FARP2: variants seen among roughly 807,000 people sequenced by gnomAD.
The protein encoded by FARP2 is FERM, ARH/RhoGEF and pleckstrin domain protein 2, also known as FERM, ARHGEF and pleckstrin domain-containing protein 2.
Under a neutral mutation model 130.5 loss-of-function variants are expected in FARP2, and 111 were observed. The ratio of observed to expected loss-of-function variants is 0.85; its 90% CI spans 0.73 to 1.00. FARP2 has a LOEUF of 1.00. Ranked by LOEUF, FARP2 falls within the 50% of genes least tolerant of loss-of-function variation. The pLI, the probability that FARP2 is intolerant of heterozygous loss-of-function variation, is 0.00. For synonymous variants in FARP2, 504 were observed against 516.9 expected (o/e 0.98, Z 0.34); for missense variants, 1,385 against 1,346.3 (o/e 1.03, Z -0.45).
intron 21 of FARP2, chr2:241,489,592 A>C (rs553655169): frequency 2.5e-5 from 4 of 162,030 alleles, no homozygotes; most frequent in Non-Finnish European, 5.4e-5. Flanking sequence ...ATTAATCCAC[A>C]GTGGGTTTTC....
intron 6 of FARP2, among the ~76,000 whole-genome samples, chr2:241,412,309 C>T (rs1242002164): frequency 6.6e-6 from 1 of 152,142 alleles, no homozygotes; most frequent in African/African-American, 2.4e-5. Flanking sequence ...CACTGGGTCC[C>T]TCCCACAGTA....
chr2:241,463,800 C>T, intron 16 of FARP2, 99 bp from the exon 17 acceptor site: 1 of 1,064,692 alleles, frequency 9.4e-7, no homozygotes, highest in Non-Finnish European at 1.4e-6. Context: ...CACCACCTTC[C>T]TCCAGCTGGA....
chr2:241,473,618 T>C (rs866599809), intron 18 of FARP2, among the ~76,000 whole-genome samples: 1 of 152,182 alleles, frequency 6.6e-6, no homozygotes, highest in Admixed American at 6.5e-5. Context: ...CTGTGTGGAC[T>C]CAGCATTTGA....
At chr2:241,404,485 C>A (rs1227028576) in intron 3 of FARP2, among the ~76,000 whole-genome samples, 1 of 152,130 alleles carries the variant, frequency 6.6e-6, no homozygotes, top group African/African-American at 2.4e-5. Flanking sequence ...GCAGTAGTAC[C>A]AAATATTTGT....
chr2:241,476,367 CA>C (rs1461777947), intron 19 of FARP2, among the ~76,000 whole-genome samples: 2 of 151,652 alleles, frequency 1.3e-5, no homozygotes, highest in Admixed American at 1.3e-4. Context: ...AGCCTGACAA[CA>C]GAGCAAGACC....
intron 4 of FARP2, 125 bp downstream of exon 4, chr2:241,404,966 TAGC>T (rs2062294392): frequency 3.1e-6 from 2 of 645,130 alleles, no homozygotes; most frequent in Non-Finnish European, 5.4e-6. Context: ...TAATCACCAA[TAGC>T]GGACAAACTT....
intron 19 of FARP2, 124 bp from the exon 20 acceptor site, chr2:241,483,341 C>A (rs2064671280): frequency 1.4e-5 from 11 of 783,422 alleles, no homozygotes; most frequent in Admixed American, 9.5e-5. Context: ...CACTAGAGGA[C>A]CCTCATTGGG....
At chr2:241,438,821 G>A (rs186202880) in intron 12 of FARP2, among the ~76,000 whole-genome samples, 14 of 151,412 alleles carry the variant, frequency 9.2e-5, no homozygotes, top group African/African-American at 2.7e-4. Flanking sequence ...CAGTGGAGAC[G>A]GGGTTTCACT....
intron 8 of FARP2, among the ~76,000 whole-genome samples, chr2:241,429,495 G>A (rs143055728): frequency 8.5e-5 from 13 of 152,288 alleles, no homozygotes; most frequent in South Asian, 4.1e-4. Flanking sequence ...GTGATGATGC[G>A]TCCTGATTCA....
intron 8 of FARP2, among the ~76,000 whole-genome samples, chr2:241,421,678 C>T (rs187472538): frequency 2.2e-4 from 34 of 152,200 alleles, no homozygotes; most frequent in African/African-American, 7.0e-4. Context: ...CCACCCCCTA[C>T]AGGTGCATTT....
chr2:241,454,256 A>G (rs1290031346), intron 13 of FARP2, among the ~76,000 whole-genome samples: 1 of 151,988 alleles, frequency 6.6e-6, no homozygotes, highest in Non-Finnish European at 1.5e-5. Flanking sequence ...TTTTTGGTAA[A>G]CTGTCAACTA....
chr2:241,367,511 T>C (rs755519923), intron 1 of FARP2, among the ~76,000 whole-genome samples: 2 of 152,128 alleles, frequency 1.3e-5, no homozygotes, highest in Non-Finnish European at 2.9e-5. Flanking sequence ...GCCGAGGGAT[T>C]GAGGAGGAAT....
Position 241,468,321 on chromosome 2 carries a change from T to C in FARP2, c.2075T>C (p.Leu692Pro), listed in dbSNP as rs986489586. The change falls in exon 18 of 27, where the codon CTG (leucine) becomes CCG (proline). Residue 692 changes from leucine to proline, a missense_variant. Transcript: ENST00000264042. The stretch of plus-strand genomic sequence containing the variant: ...CGGCTGCTGCACTACCGCCTGCTGC[T>C]GCGCCGCCTATGCGGACATTACAGC... Reference protein sequence around the residue: ...IQRLLHYRLLLRRLCGHYSPG... With the variant: ...IQRLLHYRLLPRRLCGHYSPG... The C allele has an allele frequency of 6.2e-7, 1 of 1,613,344 alleles. No individual in the cohort carries two copies. The highest frequency in any genetic ancestry group is 8.5e-7 in the Non-Finnish European group (1 of 1,180,026).
At chr2:241,428,736 A>G (rs766258833) in intron 8 of FARP2, among the ~76,000 whole-genome samples, 11 of 152,052 alleles carry the variant, frequency 7.2e-5, no homozygotes, top group Non-Finnish European at 1.6e-4. Context: ...CGTCACTACT[A>G]TCTAATTTCA....
intron 2 of FARP2, among the ~76,000 whole-genome samples, chr2:241,385,961 G>T (rs2061774222): frequency 6.6e-6 from 1 of 152,064 alleles, no homozygotes. Context: ...TTTACCTCCT[G>T]TAATTTTTAT....
In FARP2 at chr2:241,463,920, C is replaced by T; in HGVS notation, c.1833C>T (p.His611=). The T allele has an allele frequency of 6.2e-7, 1 of 1,614,074 alleles. No homozygotes were observed. The highest frequency in any genetic ancestry group is 8.5e-7 in the Non-Finnish European group (1 of 1,179,942). Residue 611 remains histidine (H), a synonymous_variant, in exon 17 of 27, where the codon CAC becomes CAT. Transcript: ENST00000264042. ...LALWEGPSKA[H]TKGSHQRIGD... is the part of the protein sequence containing the mutation. ...TCAGGGAAGGGCCCTCCAAAGCCCA[C>T]ACAAAAGGCAGTCATCAACGAATCG... is the stretch of plus-strand genomic sequence containing the variant.
chr2:241,438,793 T>TA, intron 12 of FARP2, among the ~76,000 whole-genome samples: 2 of 38 alleles, frequency 0.053, no homozygotes, highest in East Asian at 0.5. Flanking sequence ...CCATGCCTGG[T>TA]AATTTTTTTT....
intron 17 of FARP2, chr2:241,466,488 C>T (rs2064172247): frequency 1.0e-6 from 1 of 985,458 alleles, no homozygotes; most frequent in Non-Finnish European, 1.2e-6. Flanking sequence ...CAACCCTGTC[C>T]CTTGGCCCGG....
intron 2 of FARP2, among the ~76,000 whole-genome samples, chr2:241,386,418 A>T (rs1304660134): frequency 6.6e-6 from 1 of 152,122 alleles, no homozygotes; most frequent in East Asian, 1.9e-4. Flanking sequence ...ATTTTGAGAA[A>T]AGAAAAGCTT....
Sources: allele counts gnomAD v4.1 joint callset (sites outside exome capture counted in the v4.1 genomes callset), GRCh38; gene constraint gnomAD v4.1.1; transcripts MANE v1.5; gene names NCBI Gene and HGNC (gene_info 2026-07-23, HGNC 2026-07-21).